SLAIN1: variants seen among roughly 807,000 people sequenced by gnomAD.
SLAIN1 encodes the protein SLAIN motif-containing protein 1.
In SLAIN1, 17 loss-of-function variants were observed where a neutral mutation model predicts 55.4. The observed-to-expected ratio is 0.31, with a 90% CI of 0.21 to 0.46. SLAIN1 has a LOEUF of 0.46. Among genes scored for constraint, SLAIN1 ranks in the 20% least tolerant of loss-of-function variants. SLAIN1 has a pLI of 1.00. For synonymous variants in SLAIN1, 348 were observed against 337.4 expected (o/e 1.03, Z -0.35); for missense variants, 682 against 785.1 (o/e 0.87, Z 1.57).
At chr13:77,748,722 A>G (rs947586146) in intron 4 of SLAIN1, among the ~76,000 whole-genome samples, 1 of 152,184 alleles carries the variant, frequency 6.6e-6, no homozygotes, top group Non-Finnish European at 1.5e-5. Flanking sequence ...TACAAAGGCA[A>G]TCTTCTGGAT....
At chr13:77,705,739 T>G (rs934277308) in intron 1 of SLAIN1, among the ~76,000 whole-genome samples, 2 of 152,004 alleles carry the variant, frequency 1.3e-5, no homozygotes, top group African/African-American at 4.8e-5. Context: ...ACTAGTTTTT[T>G]GTATTATCTG....
rs1873263284 is a variant in SLAIN1 at position 77,738,763 on chromosome 13, G to T, written c.767-5520G>T. 2.0e-5 allele frequency among the ~76,000 whole-genome samples: 3 copies of T among 152,176 alleles called. No individual in the cohort carries two copies. The South Asian group carries it at 6.2e-4, about 32-fold the overall frequency. On this transcript the variant is annotated intron_variant, in intron 2 of 6. Transcript: ENST00000418532. ...TTAGAACTCACTAGAAAGAGTGAGG[G>T]TCCTGACCTCCAGGGCTTCCTCACC...
At chr13:77,708,390 A>T (rs966909813) in intron 1 of SLAIN1, among the ~76,000 whole-genome samples, 32 of 152,216 alleles carry the variant, frequency 2.1e-4, no homozygotes, top group African/African-American at 7.7e-4. Context: ...TAACAGGCAG[A>T]GCCGTGCTTT....
intron 1 of SLAIN1, among the ~76,000 whole-genome samples, chr13:77,699,854 T>C (rs1228246771): frequency 1.5e-5 from 2 of 134,914 alleles, no homozygotes; most frequent in Non-Finnish European, 3.1e-5. Context: ...CCCTTATTTC[T>C]GTAAAGTAAT....
chr13:77,728,385 A>G (rs2091327381), intron 2 of SLAIN1, among the ~76,000 whole-genome samples: 1 of 152,220 alleles, frequency 6.6e-6, no homozygotes, highest in Non-Finnish European at 1.5e-5. Context: ...GGGCCAGTTA[A>G]TAAAAGCTTA....
intron 1 of SLAIN1, among the ~76,000 whole-genome samples, chr13:77,708,120 G>A (rs2154409376): frequency 6.6e-6 from 1 of 152,266 alleles, no homozygotes; most frequent in East Asian, 1.9e-4. Flanking sequence ...TGGCATAGTG[G>A]GTCACTTAGA....
Position 77,749,660 on chromosome 13 carries a change from T to C in SLAIN1, c.1258+2805T>C, listed in dbSNP as rs185584991. Among the ~76,000 whole-genome samples the C allele has an allele frequency of 2.0e-3, 310 of 152,294 alleles. 2 individuals carry two copies. Among genetic ancestry groups the C allele is most frequent in the African/African-American group, 6.6e-3 (274 of 41,572 alleles). On this transcript the variant is annotated intron_variant, in intron 4 of 6. Transcript: ENST00000418532. ...CTTGAAGATTAAACTGCTGATTTCT[T>C]GTGAAGATAGAACTAGAACATTACT... is the stretch of plus-strand genomic sequence containing the variant.
At chr13:77,760,686 C>A (rs1874944592) in intron 5 of SLAIN1, 142 bp from the exon 6 acceptor site, 3 of 831,984 alleles carry the variant, frequency 3.6e-6, no homozygotes, top group Non-Finnish European at 5.6e-6. Flanking sequence ...TTTCTCAGTG[C>A]TGTCTGGAAC....
At chr13:77,719,859 T>C (rs2091244748) in intron 2 of SLAIN1, among the ~76,000 whole-genome samples, 188 bp downstream of exon 2, 1 of 152,194 alleles carries the variant, frequency 6.6e-6, no homozygotes, top group Non-Finnish European at 1.5e-5. Flanking sequence ...GTTTTGTGCT[T>C]GATTTTAGCC....
intron 5 of SLAIN1, among the ~76,000 whole-genome samples, chr13:77,760,063 A>G (rs1012215679): frequency 1.3e-5 from 2 of 152,190 alleles, no homozygotes; most frequent in African/African-American, 2.4e-5. Flanking sequence ...ATGTTTAACC[A>G]TGTTGCCAGT....
intron 2 of SLAIN1, among the ~76,000 whole-genome samples, chr13:77,726,878 T>C (rs1192963478): frequency 6.6e-6 from 1 of 152,236 alleles, no homozygotes; most frequent in Non-Finnish European, 1.5e-5. Context: ...GTATTTATTT[T>C]GTAGTGTTGT....
intron 1 of SLAIN1, among the ~76,000 whole-genome samples, chr13:77,699,821 T>A (rs1276203564): frequency 6.6e-6 from 1 of 152,138 alleles, no homozygotes; most frequent in East Asian, 1.9e-4. Flanking sequence ...TTGGGAACTT[T>A]AAGCCATTTT....
intron 2 of SLAIN1, among the ~76,000 whole-genome samples, chr13:77,733,699 C>A (rs1334059164): frequency 6.6e-6 from 1 of 152,152 alleles, no homozygotes; most frequent in East Asian, 1.9e-4. Flanking sequence ...CTGACAAATA[C>A]ATTACAGTTG....
At chr13:77,725,652 A>ATT (rs1325819918) in intron 2 of SLAIN1, among the ~76,000 whole-genome samples, 5 of 152,198 alleles carry the variant, frequency 3.3e-5, no homozygotes, top group African/African-American at 1.2e-4. Flanking sequence ...CTTTGTAGGA[A>ATT]ATGTGGAGAG....
intron 5 of SLAIN1, among the ~76,000 whole-genome samples, chr13:77,759,192 T>A (rs1021495980): frequency 6.6e-6 from 1 of 152,102 alleles, no homozygotes; most frequent in Non-Finnish European, 1.5e-5. Context: ...TTTTTATAGA[T>A]GTTGTAAAAG....
chr13:77,698,595 C>A lies in SLAIN1; in HGVS notation c.626+56C>A. 1.5e-6 allele frequency: 2 copies of A among 1,345,174 alleles called. No homozygotes were observed. Among genetic ancestry groups the A allele is most frequent in the South Asian group, 1.9e-5 (1 of 51,594 alleles). 83.3% of individuals were successfully genotyped at this position (1,345,174 alleles called of 1,614,324 possible). On this transcript the variant is annotated intron_variant, in intron 1 of 6. Transcript: ENST00000418532. This position sits in a 1 kb window ranked among gnomAD's most constrained non-coding sequence, Gnocchi z 4.1. ...CCCTGGCCTCGGGGGCTTCGGGCAC[C>A]GGGGAGCGGGGGCGGGGGGCGGACG...
At chr13:77,712,647 T>C (rs2091164417) in intron 1 of SLAIN1, among the ~76,000 whole-genome samples, 2 of 152,198 alleles carry the variant, frequency 1.3e-5, no homozygotes, top group African/African-American at 4.8e-5. Context: ...AAGTAATTTA[T>C]AGATTCAGTG....
At chr13:77,744,989 G>T (rs1445361956) in intron 3 of SLAIN1, among the ~76,000 whole-genome samples, 1 of 152,032 alleles carries the variant, frequency 6.6e-6, no homozygotes, top group East Asian at 1.9e-4. Context: ...ATAAGAGAGT[G>T]CATACTGTAT....
intron 2 of SLAIN1, among the ~76,000 whole-genome samples, chr13:77,725,814 G>A (rs1256318713): frequency 6.6e-6 from 1 of 152,036 alleles, no homozygotes; most frequent in Admixed American, 6.6e-5. Flanking sequence ...GTCCCTCCTT[G>A]TTTATGGAGT....
Sources: gnomAD v4.1 joint callset for allele counts (sites outside exome capture counted in the v4.1 genomes callset) on GRCh38, gnomAD v4.1.1 for gene constraint, Gnocchi (gnomAD v3.1) non-coding constraint, MANE v1.5 for transcripts, NCBI Gene and HGNC (gene_info 2026-07-23, HGNC 2026-07-21) for gene names.